The following GRID2 variants were observed in gnomAD, a reference collection of about 807,000 sequenced individuals.
GRID2 encodes the protein glutamate ionotropic receptor delta type subunit 2.
GRID2 carries 33 observed loss-of-function variants against 114.8 expected under a neutral mutation model. The ratio of observed to expected loss-of-function variants is 0.29; its 90% CI spans 0.22 to 0.38. GRID2 has a LOEUF of 0.38. Ranked by LOEUF, GRID2 falls within the 10% of genes least tolerant of loss-of-function variation. The pLI is 1.00. For missense variants in GRID2, 1,184 were observed against 1,257.7 expected, an observed-to-expected ratio of 0.94 and a Z score of 0.89; for synonymous variants, 505 against 449.9, an observed-to-expected ratio of 1.12 and a Z score of -1.55.
At chr4:92,443,773 G>A (rs1292620079) in intron 1 of GRID2, among the ~76,000 whole-genome samples, 2 of 152,192 alleles carry the variant, frequency 1.3e-5, no homozygotes, top group Non-Finnish European at 2.9e-5. Context: ...TAAGGGTGAA[G>A]GACCAAGGCA....
chr4:92,871,195 C>T (rs1745248474), intron 2 of GRID2, among the ~76,000 whole-genome samples: 1 of 151,750 alleles, frequency 6.6e-6, no homozygotes, highest in Non-Finnish European at 1.5e-5. Context: ...TGGTCACTAA[C>T]TTGTTTTGCT....
intron 2 of GRID2, among the ~76,000 whole-genome samples, chr4:92,870,267 GACACAC>G (rs370794678): frequency 1.5e-4 from 22 of 144,552 alleles, no homozygotes; most frequent in Non-Finnish European, 2.1e-4. Context: ...ACATTATACG[GACACAC>G]ACACACACAC....
chr4:93,501,419 A>G (rs1728093728), intron 12 of GRID2, among the ~76,000 whole-genome samples: 1 of 151,994 alleles, frequency 6.6e-6, no homozygotes, highest in Non-Finnish European at 1.5e-5. Context: ...GTTTCATTTT[A>G]GTACAGAATT....
At chr4:92,449,305 A>G (rs1189030608) in intron 1 of GRID2, among the ~76,000 whole-genome samples, 1 of 152,106 alleles carries the variant, frequency 6.6e-6, no homozygotes, top group African/African-American at 2.4e-5. Context: ...GCTGCCAGCA[A>G]GATAGGGAAA....
chr4:92,366,511 A>T (rs1341380625), intron 1 of GRID2, among the ~76,000 whole-genome samples: 1 of 152,048 alleles, frequency 6.6e-6, no homozygotes, highest in Non-Finnish European at 1.5e-5. Context: ...CAGGCACTCA[A>T]GGAAAACTGA....
At chr4:93,613,362 C>T (rs1440229569) in intron 13 of GRID2, among the ~76,000 whole-genome samples, 4 of 140,732 alleles carry the variant, frequency 2.8e-5, no homozygotes, top group East Asian at 2.0e-4. Context: ...TGAGGAGCTG[C>T]GTTCCTTTGG....
At chr4:93,006,785 A>G (rs894165802) in intron 2 of GRID2, among the ~76,000 whole-genome samples, 1 of 152,028 alleles carries the variant, frequency 6.6e-6, no homozygotes, top group Admixed American at 6.6e-5. Context: ...TTAGTACCTC[A>G]AAATGAACAG....
At chr4:92,909,236 G>T (rs1748189970) in intron 2 of GRID2, among the ~76,000 whole-genome samples, 1 of 149,910 alleles carries the variant, frequency 6.7e-6, no homozygotes, top group Non-Finnish European at 1.5e-5. Flanking sequence ...ATAGAACTGT[G>T]AAAACATGCA....
chr4:93,389,936 G>A (rs1013738514), intron 8 of GRID2, among the ~76,000 whole-genome samples: 2 of 152,028 alleles, frequency 1.3e-5, no homozygotes, highest in African/African-American at 2.4e-5. Context: ...TTACAGGCAT[G>A]TGCCACCACA....
Position 92,304,685 on chromosome 4 carries a change from T to C in GRID2, c.29T>C (p.Leu10Ser). The C allele has an allele frequency of 6.2e-7, 1 of 1,613,618 alleles. No homozygotes were observed. Among genetic ancestry groups the C allele is most frequent in the East Asian group, 2.2e-5 (1 of 44,866 alleles). Residue 10 changes from leucine to serine, a missense_variant, in exon 1 of 16, where the codon TTG becomes TCG. Transcript: ENST00000282020. The part of the protein sequence containing the change: MEVFPFLLV[L>S]SVWWSRTWDS... ...GAAGTTTTCCCCTTTCTCTTGGTTT[T>C]GTCCGTCTGGTGGTCTCGAACCTGG... is the stretch of plus-strand genomic sequence containing the variant.
intron 1 of GRID2, among the ~76,000 whole-genome samples, chr4:92,468,234 A>G (rs1721854003): frequency 6.6e-6 from 1 of 152,004 alleles, no homozygotes; most frequent in South Asian, 2.1e-4. Context: ...ATTGACTAAT[A>G]CAATTCCATA....
chr4:92,703,713 T>G (rs958139659), intron 2 of GRID2, among the ~76,000 whole-genome samples: 3 of 151,506 alleles, frequency 2.0e-5, no homozygotes, highest in Admixed American at 1.3e-4. Flanking sequence ...ACATGATGCA[T>G]TCCATTAATT....
At chr4:92,518,854 A>C (rs1724636600) in intron 1 of GRID2, among the ~76,000 whole-genome samples, 1 of 151,870 alleles carries the variant, frequency 6.6e-6, no homozygotes, top group Admixed American at 6.6e-5. Context: ...CATTCTTTGA[A>C]GCAAAGTATT....
chr4:93,195,613 A>G (rs1468378409), intron 4 of GRID2, among the ~76,000 whole-genome samples: 1 of 152,184 alleles, frequency 6.6e-6, no homozygotes, highest in Non-Finnish European at 1.5e-5. Flanking sequence ...TGGAAGGTTG[A>G]ATTGTCACTG....
At chr4:92,456,948 CT>C (rs914769123) in intron 1 of GRID2, among the ~76,000 whole-genome samples, 5 of 151,992 alleles carry the variant, frequency 3.3e-5, no homozygotes, top group African/African-American at 1.2e-4. Context: ...AAATATTTAT[CT>C]TTCTCTTTAC....
intron 8 of GRID2, among the ~76,000 whole-genome samples, chr4:93,316,343 G>GAAAGAAA (rs1560491069): frequency 0.014 from 774 of 54,922 alleles, 8 homozygotes; most frequent in Non-Finnish European, 0.022. Flanking sequence ...AAAGAAAGAA[G>GAAAGAAA]GAAGGAAGGA....
Position 92,820,769 on chromosome 4 carries a change from T to C in GRID2, c.244+230483T>C, listed in dbSNP as rs114981870. 9.7e-3 allele frequency among the ~76,000 whole-genome samples: 1,481 copies of C among 152,258 alleles called. 35 individuals carry two copies. The highest frequency in any genetic ancestry group is 0.034 in the African/African-American group (1,409 of 41,572). Reference sequence around the variant, plus strand: ...GATGTATATACAAGTATCTTCAACATTCTATTAATTTCAGGTTCAATTTTT... The same window carrying C: ...GATGTATATACAAGTATCTTCAACACTCTATTAATTTCAGGTTCAATTTTT... On this transcript the variant is annotated intron_variant, in intron 2 of 15. Coordinates refer to ENST00000282020, the MANE Select transcript of GRID2 (RefSeq NM_001510.4).
chr4:93,689,614 A>C (rs999580004), intron 14 of GRID2, among the ~76,000 whole-genome samples: 1 of 151,994 alleles, frequency 6.6e-6, no homozygotes, highest in Admixed American at 6.6e-5. Context: ...GTTCCATCCC[A>C]AAAGAAACTC....
chr4:93,314,956 T>G (rs906200653), intron 8 of GRID2, among the ~76,000 whole-genome samples: 1 of 152,154 alleles, frequency 6.6e-6, no homozygotes, highest in African/African-American at 2.4e-5. Context: ...TCTGTTTTCT[T>G]GCTGCTATAA....
Sources: allele counts gnomAD v4.1 joint callset (sites outside exome capture counted in the v4.1 genomes callset), GRCh38; gene constraint gnomAD v4.1.1; transcripts MANE v1.5; gene names NCBI Gene and HGNC (gene_info 2026-07-23, HGNC 2026-07-21).